ZNF841: variants seen among roughly 807,000 people sequenced by gnomAD.
The protein encoded by ZNF841 is TCONS_00006091.
In ZNF841, 11 loss-of-function variants were observed where a neutral mutation model predicts 13.0. The observed-to-expected ratio is 0.85, with a 90% CI of 0.53 to 1.40. ZNF841 has a LOEUF of 1.40. Ranked by LOEUF, ZNF841 falls within the 40% of genes most tolerant of loss-of-function variation. The probability of loss-of-function intolerance (pLI) is 0.00; values close to 1 mark genes in which losing one functional copy is unlikely to be tolerated. For missense variants in ZNF841, 1,068 were observed against 1,139.5 expected (o/e 0.94, Z 0.90); for synonymous variants, 369 against 381.6 (o/e 0.97, Z 0.38).
intron 6 of ZNF841, among the ~76,000 whole-genome samples, chr19:52,073,143 C>A (rs1349837741): frequency 6.6e-6 from 1 of 151,944 alleles, no homozygotes; most frequent in Non-Finnish European, 1.5e-5. Flanking sequence ...AACTGGCTAG[C>A]CATATATAGA....
At position 52,066,537 on chromosome 19, in the gene ZNF841, T is replaced by C; in HGVS notation, c.1345A>G (p.Ile449Val). ...YQNSQLVRHQ[I>V]IHTGETPYKC... is the part of the protein sequence containing the mutation. ...TAAGGTGTCTCTCCAGTATGAATTA[T>C]CTGGTGCCTTACAAGTTGTGAATTC... is the stretch of plus-strand genomic sequence containing the variant. The change falls in exon 7 of 7, where the codon ATA becomes GTA. Residue 449 changes from isoleucine to valine, a missense_variant. Physicochemically the swap from Ile to Val is conservative, Grantham distance 29. Transcript: ENST00000594440. 6.2e-7 allele frequency: 1 copy of C among 1,613,842 alleles called. No individual in the cohort carries two copies. Among genetic ancestry groups the C allele is most frequent in the Middle Eastern group, 1.6e-4 (1 of 6,062 alleles).
chr19:52,091,821 G>A (rs553152712), intron 2 of ZNF841, among the ~76,000 whole-genome samples: 93 of 152,084 alleles, frequency 6.1e-4, no homozygotes, highest in Non-Finnish European at 9.6e-4. Flanking sequence ...ACAAATGGTG[G>A]GACTACATCA....
chr19:52,061,707 C>CGGCCTTCT (rs1568531035), downstream of ZNF841, among the ~76,000 whole-genome samples: 1 of 152,104 alleles, frequency 6.6e-6, no homozygotes, highest in African/African-American at 2.4e-5. Context: ...CCACCATGCC[C>CGGCCTTCT]ATCTAATTTT....
chr19:52,063,330 C>G (rs1600072022), downstream of ZNF841, among the ~76,000 whole-genome samples: 1 of 151,998 alleles, frequency 6.6e-6, no homozygotes, highest in Non-Finnish European at 1.5e-5. Context: ...TTCTCTCAAA[C>G]TCCAAAAACA....
chr19:52,066,227 T>C lies in ZNF841; in HGVS notation c.1655A>G (p.Tyr552Cys), dbSNP rs1239512119. Reference sequence around the variant, plus strand: ...CATATGAACCGAAAGGTATCCACCGTAATTAAAGACCTTGCCACACACATT... The same window carrying C: ...CATATGAACCGAAAGGTATCCACCGCAATTAAAGACCTTGCCACACACATT... ...KCNVCGKVFN[Y>C]GGYLSVHMRC... Residue 552 changes from tyrosine to cysteine, a missense_variant, in exon 7 of 7, where the codon TAC (tyrosine) becomes TGC (cysteine). Coordinates refer to ENST00000594440, the MANE Select transcript of ZNF841 (RefSeq NM_001136499.2). 2.5e-6 allele frequency: 4 copies of C among 1,614,136 alleles called. No individual in the cohort carries two copies. The highest frequency in any genetic ancestry group is 3.4e-6 in the Non-Finnish European group (4 of 1,179,978).
chr19:52,062,854 A>G (rs1184740514), downstream of ZNF841, among the ~76,000 whole-genome samples: 1 of 150,408 alleles, frequency 6.6e-6, no homozygotes, highest in African/African-American at 2.5e-5. Flanking sequence ...TTTACCTAAC[A>G]TGGAATCTGT....
At chr19:52,061,585 C>T (rs921500916), downstream of ZNF841, among the ~76,000 whole-genome samples, 3 of 151,982 alleles carry the variant, frequency 2.0e-5, no homozygotes, top group Admixed American at 6.6e-5. Flanking sequence ...TTGCTCTCAT[C>T]GCCCAGGCTG....
chr19:52,094,573 C>T (rs1284636250), intron 1 of ZNF841, among the ~76,000 whole-genome samples: 1 of 152,068 alleles, frequency 6.6e-6, no homozygotes, highest in East Asian at 1.9e-4. Context: ...TCTAAGCTCC[C>T]TCTCTGCTCT....
chr19:52,091,415 G>A (rs1241113049), intron 2 of ZNF841, among the ~76,000 whole-genome samples: 1 of 152,156 alleles, frequency 6.6e-6, no homozygotes, highest in African/African-American at 2.4e-5. Flanking sequence ...GAACATGCTA[G>A]AGGCATCATA....
intron 6 of ZNF841, among the ~76,000 whole-genome samples, chr19:52,071,023 G>C (rs1449560725): frequency 6.6e-6 from 1 of 152,132 alleles, no homozygotes; most frequent in Non-Finnish European, 1.5e-5. Flanking sequence ...AGAGCTGTGG[G>C]AATAGAATTG....
chr19:52,065,222 A>C lies in ZNF841; in HGVS notation c.2660T>G (p.Ile887Ser). Reference sequence around the variant, plus strand: ...ATGTTTAGTGAGGCCTGAGCGACTAATGTAAGATTTGCCACACTCATTACA... The same window carrying C: ...ATGTTTAGTGAGGCCTGAGCGACTACTGTAAGATTTGCCACACTCATTACA... ...YKCNECGKSY[I>S]SRSGLTKHQI... Residue 887 changes from isoleucine to serine, a missense_variant, in exon 7 of 7, where the codon ATT (isoleucine) becomes AGT (serine). Transcript: ENST00000594440. 1 of 1,611,896 alleles carries C rather than the reference A, an allele frequency of 6.2e-7. No homozygotes were observed. The highest frequency in any genetic ancestry group is 8.5e-7 in the Non-Finnish European group (1 of 1,179,148).
At chr19:52,062,823 A>G (rs942679347), downstream of ZNF841, among the ~76,000 whole-genome samples, 5 of 151,540 alleles carry the variant, frequency 3.3e-5, no homozygotes, top group Non-Finnish European at 7.4e-5. Context: ...GGAGAAGCAG[A>G]CTTAGTTATC....
At chr19:52,091,133 C>T (rs1223020492) in intron 2 of ZNF841, among the ~76,000 whole-genome samples, 5 of 152,086 alleles carry the variant, frequency 3.3e-5, no homozygotes, top group Non-Finnish European at 5.9e-5. Context: ...TGTGTCCGTC[C>T]CCCTTTGTTC....
chr19:52,090,699 GAAAGAAAGAGAA>G (rs1171762068), intron 2 of ZNF841, among the ~76,000 whole-genome samples: 29 of 149,674 alleles, frequency 1.9e-4, no homozygotes, highest in Admixed American at 1.9e-3. Flanking sequence ...AAGAAAGAAA[GAAAGAAAGAGAA>G]AGAAAGAAAG....
At chr19:52,093,171 T>A (rs2088561717) in intron 2 of ZNF841, among the ~76,000 whole-genome samples, 1 of 152,192 alleles carries the variant, frequency 6.6e-6, no homozygotes, top group African/African-American at 2.4e-5. Context: ...ACAGTATTAT[T>A]CATAACAGCC....
At chr19:52,060,536 T>C (rs2087380095), downstream of ZNF841, among the ~76,000 whole-genome samples, 1 of 152,080 alleles carries the variant, frequency 6.6e-6, no homozygotes, top group African/African-American at 2.4e-5. Context: ...TTTTTTTTTT[T>C]CTGAGTTATT....
Position 52,064,925 on chromosome 19 carries a change from C to A in ZNF841, c.*182G>T. On this transcript the variant is annotated 3_prime_UTR_variant, in exon 7 of 7. Transcript: ENST00000594440. ...CTGGGATTACAGGCATGAGCCAGAC[C>A]TCATGAGAACTATCACAAGGACAGC... is the stretch of plus-strand genomic sequence containing the variant. 1 of 482,586 alleles carries A rather than the reference C, an allele frequency of 2.1e-6. No individual in the cohort carries two copies. The highest frequency in any genetic ancestry group is 3.6e-6 in the Non-Finnish European group (1 of 279,508). 29.9% of individuals were successfully genotyped at this position (482,586 alleles called of 1,614,324 possible).
intron 6 of ZNF841, among the ~76,000 whole-genome samples, chr19:52,069,614 A>G (rs961260180): frequency 2.6e-5 from 4 of 152,204 alleles, no homozygotes; most frequent in African/African-American, 7.2e-5. Context: ...TTGGAAGGCA[A>G]TTAGGTCAGG....
chr19:52,076,415 C>A, intron 5 of ZNF841: 1 of 409,394 alleles, frequency 2.4e-6, no homozygotes, highest in Middle Eastern at 4.3e-4. Flanking sequence ...GTAATCTCAG[C>A]ACTTTGGGAG....
Sources: gnomAD v4.1 joint callset for allele counts (sites outside exome capture counted in the v4.1 genomes callset) on GRCh38, gnomAD v4.1.1 for gene constraint, MANE v1.5 for transcripts, NCBI Gene and HGNC (gene_info 2026-07-23, HGNC 2026-07-21) for gene names.